The following CDHR2 variants were observed in gnomAD, a reference collection of about 807,000 sequenced individuals.
The protein encoded by CDHR2 is cadherin related family member 2.
Under a neutral mutation model 138.6 loss-of-function variants are expected in CDHR2, and 104 were observed. The ratio of observed to expected loss-of-function variants is 0.75; its 90% CI spans 0.64 to 0.88. CDHR2 has a LOEUF of 0.88. CDHR2 is among the 40% of genes least tolerant of loss of function. The pLI, the probability that CDHR2 is intolerant of heterozygous loss-of-function variation, is 0.00. For synonymous variants in CDHR2, 755 were observed against 742.8 expected (o/e 1.02, Z -0.27); for missense variants, 1,624 against 1,727.6 (o/e 0.94, Z 1.06).
intron 21 of CDHR2, among the ~76,000 whole-genome samples, chr5:176,588,522 TGTGA>T (rs1236671491): frequency 4.2e-5 from 6 of 142,146 alleles, no homozygotes; most frequent in South Asian, 2.3e-4. Context: ...TGTGCATGTG[TGTGA>T]GTGTGTTAGG....
intron 1 of CDHR2, among the ~76,000 whole-genome samples, chr5:176,542,986 G>C (rs1309738316): frequency 6.6e-6 from 1 of 152,124 alleles, no homozygotes; most frequent in African/African-American, 2.4e-5. Context: ...GGGGGTGGCG[G>C]TCGGGACGTG....
chr5:176,580,074 C>T lies in CDHR2; in HGVS notation c.1819-1269C>T, dbSNP rs374830805. 3.9e-5 allele frequency among the ~76,000 whole-genome samples: 6 copies of T among 152,100 alleles called. No homozygotes were observed. In the South Asian group the frequency reaches 1.2e-3, roughly 32 times the overall value. ...CACACTGGTTCACCCCAAAGACAAACCAAGCATGCCTTCAGGGCCCTGGCA... is the reference window on the plus strand; with the variant it reads ...CACACTGGTTCACCCCAAAGACAAATCAAGCATGCCTTCAGGGCCCTGGCA... On this transcript the variant is annotated intron_variant, in intron 16 of 31. Transcript: ENST00000261944.
In CDHR2 at chr5:176,584,861, C is replaced by T. The variant is rs1313304524; in HGVS notation, c.2580C>T (p.Ser860=). ...LCTKAGVDVG[S]LCWGWFSVAA... is the part of the protein sequence containing the mutation. ...CCAAGGCCGGGGTCGATGTGGGCAG[C>T]CTATGCTGGGGCTGGTTCTCAGTGG... The change falls in exon 19 of 32, where the codon AGC becomes AGT. Residue 860 remains serine, a synonymous_variant. Transcript: ENST00000261944. 1 of 1,614,142 alleles carries T rather than the reference C, an allele frequency of 6.2e-7. No homozygotes were observed. The highest frequency in any genetic ancestry group is 1.1e-5 in the South Asian group (1 of 91,084).
In CDHR2 at chr5:176,584,569, A is replaced by T. The variant is rs745508727; in HGVS notation, c.2288A>T (p.Asp763Val). The T allele has an allele frequency of 1.4e-5, 23 of 1,610,808 alleles. No individual in the cohort carries two copies. The highest frequency in any genetic ancestry group is 2.0e-5 in the Non-Finnish European group (23 of 1,178,072). Reference sequence around the variant, plus strand: ...GAGGGCTACCTCCGGCTGCCCCCGGACGTGAGCCTGGATTACGAGACACAG... The same window carrying T: ...GAGGGCTACCTCCGGCTGCCCCCGGTCGTGAGCCTGGATTACGAGACACAG... ...WAEGYLRLPP[D>V]VSLDYETQPV... Residue 763 changes from aspartate (D) to valine (V), a missense_variant, in exon 19 of 32, where the codon GAC becomes GTC. Physicochemically the swap from Asp to Val is radical, Grantham distance 152. Around this residue, in one of 3 missense-constraint regions of CDHR2, gnomAD observed 1,061 missense variants for 1,136.6 expected, o/e 0.93. Coordinates refer to ENST00000261944, the MANE Select transcript of CDHR2 (RefSeq NM_017675.6).
intron 17 of CDHR2, 119 bp downstream of exon 17, chr5:176,581,701 ACT>A (rs1758538740): frequency 3.8e-6 from 5 of 1,327,774 alleles, no homozygotes; most frequent in Non-Finnish European, 5.2e-6. Flanking sequence ...AATCCCGCTC[ACT>A]CGTATGGCCC....
In CDHR2 at chr5:176,576,421, C is replaced by T. The variant is rs75309017; in HGVS notation, c.1194+236C>T. 6.6e-6 allele frequency among the ~76,000 whole-genome samples: 1 copy of T among 151,918 alleles called. No individual in the cohort carries two copies. The highest frequency in any genetic ancestry group is 6.6e-5 in the Admixed American group (1 of 15,236). On this transcript the variant is annotated intron_variant, in intron 12 of 31. Transcript: ENST00000261944. The surrounding 1 kb of genome is among the most constrained non-coding windows in gnomAD (Gnocchi z 4.5). ...ATGCTGAGTGGAGGCTGACGTAGAA[C>T]GTCAGATGATGCTGAGTAGAACATC...
At chr5:176,573,408 G>A (rs1758279475) in intron 6 of CDHR2, among the ~76,000 whole-genome samples, 2 of 152,134 alleles carry the variant, frequency 1.3e-5, no homozygotes, top group South Asian at 2.1e-4. Flanking sequence ...GGGAGGCTGA[G>A]GCGGGTGGAT....
At chr5:176,572,861 G>T (rs1380650048) in intron 6 of CDHR2, among the ~76,000 whole-genome samples, 1 of 152,206 alleles carries the variant, frequency 6.6e-6, no homozygotes, top group East Asian at 1.9e-4. Flanking sequence ...AGACCTGGTT[G>T]CTACTCTCAG....
chr5:176,547,096 A>G (rs1323885256), upstream of CDHR2, among the ~76,000 whole-genome samples: 1 of 151,674 alleles, frequency 6.6e-6, no homozygotes, highest in Non-Finnish European at 1.5e-5. Flanking sequence ...CTCCTGCCTC[A>G]GCCTCCTGAG....
intron 17 of CDHR2, among the ~76,000 whole-genome samples, chr5:176,583,077 G>A (rs1187674043): frequency 2.6e-5 from 4 of 152,216 alleles, no homozygotes; most frequent in South Asian, 2.1e-4. Flanking sequence ...TGAAGAAAAC[G>A]AAGCAGAATG....
intron 3 of CDHR2, among the ~76,000 whole-genome samples, chr5:176,567,665 G>C (rs1390763809): frequency 1.3e-5 from 2 of 152,062 alleles, no homozygotes; most frequent in Admixed American, 1.3e-4. Context: ...TTAATTTTTT[G>C]TATTTTTAGT....
intron 31 of CDHR2, among the ~76,000 whole-genome samples, chr5:176,595,208 G>A (rs991691121): frequency 4.6e-5 from 7 of 152,172 alleles, no homozygotes; most frequent in Non-Finnish European, 1.0e-4. Context: ...CAGGAACTGC[G>A]CTGGGCTGGC....
chr5:176,588,733 G>GAA (rs1758755956), intron 21 of CDHR2, among the ~76,000 whole-genome samples: 1 of 151,288 alleles, frequency 6.6e-6, no homozygotes, highest in Non-Finnish European at 1.5e-5. Context: ...GTGAGAGAGA[G>GAA]AGAGAGTATG....
intron 1 of CDHR2, among the ~76,000 whole-genome samples, chr5:176,551,933 C>G (rs1187792165): frequency 6.6e-6 from 1 of 151,668 alleles, no homozygotes; most frequent in African/African-American, 2.4e-5. Context: ...CCAGGATGGT[C>G]TCGATCTCCT....
In CDHR2 at chr5:176,568,739, G is replaced by A. The variant is rs765026569; in HGVS notation, c.186G>A (p.Met62Ile). ...DQDNDPLTYGMSGPNAYFFAV... is the reference protein window; with the variant it reads ...DQDNDPLTYGISGPNAYFFAV... ...ACAATGACCCTCTGACCTATGGGAT[G>A]AGCGGCCCCAATGCCTACTTCTTCG... The change falls in exon 4 of 32, where the codon ATG becomes ATA. Residue 62 changes from methionine (M) to isoleucine (I), a missense_variant. Physicochemically the swap from Met to Ile is conservative, Grantham distance 10 (BLOSUM62 1). Transcript: ENST00000261944. 10 of 1,614,124 alleles carry A rather than the reference G, an allele frequency of 6.2e-6. No homozygotes were observed. The highest frequency in any genetic ancestry group is 7.6e-6 in the Non-Finnish European group (9 of 1,180,046).
chr5:176,584,640 G>T lies in CDHR2; in HGVS notation c.2359G>T (p.Gly787Trp), dbSNP rs148792429. Residue 787 changes from glycine (G) to tryptophan (W), a missense_variant, in exon 19 of 32, where the codon GGG becomes TGG. Around this residue, in one of 3 missense-constraint regions of CDHR2, gnomAD observed 1,061 missense variants for 1,136.6 expected, o/e 0.93. Coordinates refer to ENST00000261944, the MANE Select transcript of CDHR2 (RefSeq NM_017675.6). ...TVSAENPDPQ[G>W]GETIVDVCVN... ...GAGTGCTGAGAACCCAGACCCCCAGGGGGGTGAGACCATAGTAGACGTCTG... is the reference window on the plus strand; with the variant it reads ...GAGTGCTGAGAACCCAGACCCCCAGTGGGGTGAGACCATAGTAGACGTCTG... 300 of 1,611,728 alleles carry T rather than the reference G, an allele frequency of 1.9e-4. No individual in the cohort carries two copies. Among genetic ancestry groups the T allele is most frequent in the Non-Finnish European group, 2.4e-4 (277 of 1,178,292 alleles).
At chr5:176,557,712 T>TCCTTCC (rs1561866775) in intron 1 of CDHR2, among the ~76,000 whole-genome samples, 12 of 146,168 alleles carry the variant, frequency 8.2e-5, no homozygotes, top group African/African-American at 2.9e-4. Flanking sequence ...CTTTCTTTCT[T>TCCTTCC]TTTTTTTTAT....
chr5:176,564,470 G>T lies in CDHR2; in HGVS notation c.-15-868G>T, dbSNP rs1180274161. The stretch of plus-strand genomic sequence containing the variant: ...CCCGAAGTGCTGGGATTACAGGCGT[G>T]AGCCACCACGCCCAGCCTTGTCTTT... On this transcript the variant is annotated intron_variant, in intron 1 of 31. Transcript: ENST00000261944. 2.0e-5 allele frequency among the ~76,000 whole-genome samples: 3 copies of T among 152,204 alleles called. No homozygotes were observed. In the East Asian group the frequency reaches 5.8e-4, roughly 29 times the overall value.
intron 1 of CDHR2, among the ~76,000 whole-genome samples, chr5:176,560,555 C>T (rs1040582967): frequency 1.3e-5 from 2 of 152,174 alleles, no homozygotes; most frequent in African/African-American, 4.8e-5. Context: ...TCCCTTCTTT[C>T]ACTCTCATCA....
Sources: gnomAD v4.1 joint callset for allele counts (sites outside exome capture counted in the v4.1 genomes callset) on GRCh38, gnomAD v4.1.1 for gene constraint, gnomAD v4.1.1 regional missense constraint, Gnocchi (gnomAD v3.1) non-coding constraint, MANE v1.5 for transcripts, NCBI Gene and HGNC (gene_info 2026-07-23, HGNC 2026-07-21) for gene names.